The following CNTN5 variants were observed in gnomAD, a reference collection of about 807,000 sequenced individuals.
The protein encoded by CNTN5 is contactin-5.
CNTN5 carries 77 observed loss-of-function variants against 129.1 expected under a neutral mutation model. The observed-to-expected ratio is 0.60, with a 90% confidence interval of 0.50 to 0.72. The LOEUF (loss-of-function observed/expected upper bound fraction) is 0.72, where lower values mean the gene tolerates loss of function less well. Among genes scored for constraint, CNTN5 ranks in the 30% least tolerant of loss-of-function variants. The pLI is 0.00. For synonymous variants in CNTN5, 509 were observed against 465.6 expected, an observed-to-expected ratio of 1.09 and a Z score of -1.20; for missense variants, 1,478 against 1,328.8, an observed-to-expected ratio of 1.11 and a Z score of -1.75.
chr11:99,915,849 G>T (rs1949775215), intron 6 of CNTN5, among the ~76,000 whole-genome samples: 1 of 152,052 alleles, frequency 6.6e-6, no homozygotes, highest in Admixed American at 6.6e-5. Context: ...AAAGAGTGTG[G>T]TTTTTCTATG....
intron 3 of CNTN5, among the ~76,000 whole-genome samples, chr11:99,661,595 T>C (rs1952594287): frequency 6.6e-6 from 1 of 152,114 alleles, no homozygotes; most frequent in South Asian, 2.1e-4. Context: ...ACAACCACTA[T>C]CACCAAAACT....
At position 100,271,110 on chromosome 11, in the gene CNTN5, G is replaced by A; in HGVS notation, c.2183G>A (p.Gly728Glu). Reference sequence around the variant, plus strand: ...TCTATAGTCCCAGAAATCATAACAGGGGACATGGAGTCAGCCATGGCTGTG... The same window carrying A: ...TCTATAGTCCCAGAAATCATAACAGAGGACATGGAGTCAGCCATGGCTGTG... ...TVKTVPEIIT[G>E]DMESAMAVDL... Residue 728 changes from glycine to glutamate, a missense_variant, in exon 18 of 25, where the codon GGG becomes GAG. Coordinates refer to ENST00000524871, the MANE Select transcript of CNTN5 (RefSeq NM_014361.4). The A allele has an allele frequency of 1.2e-6, 2 of 1,608,020 alleles. No individual in the cohort carries two copies. The highest frequency in any genetic ancestry group is 1.7e-6 in the Non-Finnish European group (2 of 1,177,914).
chr11:99,246,793 A>G (rs1165416647), intron 1 of CNTN5, among the ~76,000 whole-genome samples: 1 of 152,178 alleles, frequency 6.6e-6, no homozygotes, highest in African/African-American at 2.4e-5. Flanking sequence ...TATCACAGGA[A>G]CAAAAACAAT....
At chr11:99,216,141 C>A (rs1223194132) in intron 1 of CNTN5, among the ~76,000 whole-genome samples, 1 of 152,014 alleles carries the variant, frequency 6.6e-6, no homozygotes, top group Non-Finnish European at 1.5e-5. Flanking sequence ...TATTTTTGTA[C>A]CCCTTCTTCC....
intron 1 of CNTN5, among the ~76,000 whole-genome samples, chr11:99,252,737 T>C (rs555767672): frequency 9.2e-5 from 14 of 152,194 alleles, no homozygotes; most frequent in African/African-American, 3.4e-4. Context: ...CTTTATATTT[T>C]TTGTTCTGTG....
At chr11:100,093,746 C>T (rs1019342551) in intron 13 of CNTN5, among the ~76,000 whole-genome samples, 1 of 152,106 alleles carries the variant, frequency 6.6e-6, no homozygotes, top group Non-Finnish European at 1.5e-5. Flanking sequence ...GGCCCAGTCA[C>T]AAGAATTACA....
At chr11:99,656,381 A>G (rs1389022016) in intron 3 of CNTN5, among the ~76,000 whole-genome samples, 1 of 152,100 alleles carries the variant, frequency 6.6e-6, no homozygotes, top group Non-Finnish European at 1.5e-5. Context: ...ACAAAGTAGA[A>G]ACTGTTGGAA....
intron 7 of CNTN5, among the ~76,000 whole-genome samples, chr11:99,941,657 A>G (rs1158611257): frequency 6.6e-6 from 1 of 150,980 alleles, no homozygotes. Context: ...CAGCAAATCC[A>G]TAAAGACCTC....
intron 1 of CNTN5, among the ~76,000 whole-genome samples, chr11:99,127,114 T>C (rs967837730): frequency 6.6e-6 from 1 of 152,204 alleles, no homozygotes. Flanking sequence ...CATATTTTTA[T>C]ATGAAGCACC....
chr11:100,013,989 A>G lies in CNTN5; in HGVS notation c.980+11853A>G, dbSNP rs139044001. Among the ~76,000 whole-genome samples the G allele has an allele frequency of 6.2e-4, 94 of 152,266 alleles. 1 individual carries two copies. The South Asian group carries it at 7.9e-3, about 13-fold the overall frequency. On this transcript the variant is annotated intron_variant, in intron 9 of 24. Coordinates refer to ENST00000524871, the MANE Select transcript of CNTN5 (RefSeq NM_014361.4). Reference sequence around the variant, plus strand: ...TGTCTAATATAGTCATATTTGTATTAGTTAAGCTAAGAGAACAACAAACTT... The same window carrying G: ...TGTCTAATATAGTCATATTTGTATTGGTTAAGCTAAGAGAACAACAAACTT...
intron 3 of CNTN5, among the ~76,000 whole-genome samples, chr11:99,573,510 C>T (rs1949245303): frequency 6.6e-6 from 1 of 151,744 alleles, no homozygotes; most frequent in African/African-American, 2.4e-5. Flanking sequence ...GCGGAGTTTG[C>T]AGTGAGCCCA....
At chr11:99,141,372 T>C (rs1380859728) in intron 1 of CNTN5, among the ~76,000 whole-genome samples, 1 of 152,146 alleles carries the variant, frequency 6.6e-6, no homozygotes, top group African/African-American at 2.4e-5. Context: ...AATCTCTTCT[T>C]TGTCATTTCT....
At chr11:100,283,818 C>T (rs1950699636) in intron 18 of CNTN5, among the ~76,000 whole-genome samples, 1 of 152,002 alleles carries the variant, frequency 6.6e-6, no homozygotes, top group Admixed American at 6.6e-5. Context: ...CGGTAGCGGG[C>T]ACCTGTAATC....
chr11:100,043,834 T>G (rs561685123), intron 9 of CNTN5, among the ~76,000 whole-genome samples: 1 of 150,630 alleles, frequency 6.6e-6, no homozygotes, highest in African/African-American at 2.4e-5. Flanking sequence ...TTTGATTCAG[T>G]TTGTTGTATT....
At chr11:100,056,928 AT>A (rs949346498) in intron 9 of CNTN5, among the ~76,000 whole-genome samples, 1 of 151,760 alleles carries the variant, frequency 6.6e-6, no homozygotes, top group Non-Finnish European at 1.5e-5. Flanking sequence ...ATAAAAACTA[AT>A]TTTTAAACTT....
At position 100,297,976 on chromosome 11, in the gene CNTN5, T is replaced by C. The variant is rs950609671; in HGVS notation, c.2385+281T>C. 4.0e-5 allele frequency among the ~76,000 whole-genome samples: 6 copies of C among 151,556 alleles called. No individual in the cohort carries two copies. The East Asian group carries it at 1.2e-3, about 30-fold the overall frequency. ...TAATAAACAGAATTGTGACTTTGAT[T>C]ACAAAATTTGTGTCATTTTATCTAT... On this transcript the variant is annotated intron_variant, in intron 19 of 24. Coordinates refer to ENST00000524871, the MANE Select transcript of CNTN5 (RefSeq NM_014361.4).
At chr11:99,747,380 C>G (rs905327944) in intron 3 of CNTN5, among the ~76,000 whole-genome samples, 3 of 151,684 alleles carry the variant, frequency 2.0e-5, no homozygotes, top group Non-Finnish European at 4.4e-5. Flanking sequence ...TACTTCTTTT[C>G]CAATTCGAAT....
chr11:99,466,038 T>C (rs1279828953), intron 2 of CNTN5, among the ~76,000 whole-genome samples: 1 of 152,050 alleles, frequency 6.6e-6, no homozygotes, highest in East Asian at 1.9e-4. Context: ...TCCGCCACCA[T>C]GCCCTGCTCA....
At chr11:99,839,312 A>G (rs1469491500) in intron 4 of CNTN5, among the ~76,000 whole-genome samples, 1 of 152,196 alleles carries the variant, frequency 6.6e-6, no homozygotes, top group Non-Finnish European at 1.5e-5. Flanking sequence ...TAAAGGTAAA[A>G]TAATCGGGTG....
Sources: gnomAD v4.1 joint callset for allele counts (sites outside exome capture counted in the v4.1 genomes callset) on GRCh38, gnomAD v4.1.1 for gene constraint, MANE v1.5 for transcripts, NCBI Gene and HGNC (gene_info 2026-07-23, HGNC 2026-07-21) for gene names.